Variants in ROR2 observed in about 807,000 individuals in gnomAD.
ROR2 encodes tyrosine-protein kinase transmembrane receptor ROR2.
A neutral mutation model predicts 74.9 loss-of-function variants in ROR2; 33 were observed. The observed-to-expected ratio is 0.44, with a 90% confidence interval of 0.33 to 0.59. The LOEUF is 0.59. Ranked by LOEUF, ROR2 falls within the 20% of genes least tolerant of loss-of-function variation. The pLI is 0.02. For missense variants in ROR2, 1,216 were observed against 1,313.8 expected (o/e 0.93, Z 1.15); for synonymous variants, 586 against 558.7 (o/e 1.05, Z -0.69).
chr9:91,848,867 C>T (rs943150127), intron 1 of ROR2, among the ~76,000 whole-genome samples: 1 of 151,722 alleles, frequency 6.6e-6, no homozygotes, highest in Non-Finnish European at 1.5e-5. Context: ...ATACTATTAT[C>T]CAGGTAGCAT....
intron 1 of ROR2, among the ~76,000 whole-genome samples, chr9:91,841,263 T>C (rs1355821105): frequency 6.6e-6 from 1 of 152,244 alleles, no homozygotes; most frequent in Admixed American, 6.5e-5. Context: ...AATAAATACA[T>C]GAGTCCACGG....
At chr9:91,780,561 C>T (rs1826583210) in intron 1 of ROR2, among the ~76,000 whole-genome samples, 1 of 151,866 alleles carries the variant, frequency 6.6e-6, no homozygotes. Flanking sequence ...GTCGAGGCCT[C>T]GGGTGGATCA....
chr9:91,913,637 T>C (rs1368659890), intron 1 of ROR2, among the ~76,000 whole-genome samples: 1 of 152,204 alleles, frequency 6.6e-6, no homozygotes, highest in Non-Finnish European at 1.5e-5. Context: ...CTTCAACCTC[T>C]AATGGATTTA....
chr9:91,808,686 C>T (rs190688210), intron 1 of ROR2, among the ~76,000 whole-genome samples: 2 of 148,348 alleles, frequency 1.3e-5, no homozygotes, highest in Non-Finnish European at 3.0e-5. Context: ...AGGCTGGGCA[C>T]GGTGGCTCAC....
intron 1 of ROR2, among the ~76,000 whole-genome samples, chr9:91,815,652 G>A (rs1198472128): frequency 6.6e-6 from 1 of 152,224 alleles, no homozygotes; most frequent in Non-Finnish European, 1.5e-5. Flanking sequence ...GACGAACAGT[G>A]TGATGGCACT....
chr9:91,934,403 T>C (rs191699841), intron 1 of ROR2, among the ~76,000 whole-genome samples: 7 of 152,308 alleles, frequency 4.6e-5, no homozygotes, highest in African/African-American at 9.6e-5. Context: ...CTTAGAATTA[T>C]GAACAAATAA....
At position 91,885,314 on chromosome 9, in the gene ROR2, G is replaced by C. The variant is rs191634203; in HGVS notation, c.97+64553C>G. 5.6e-3 allele frequency among the ~76,000 whole-genome samples: 850 copies of C among 152,282 alleles called. 7 individuals carry two copies. Among genetic ancestry groups the C allele is most frequent in the African/African-American group, 0.019 (797 of 41,548 alleles). Reference sequence around the variant, plus strand: ...CCTTTGTTGAAGCTTTGGGGGTTGGGGGGCGGTAGGGCAGGGTGTGGAGGG... The same window carrying C: ...CCTTTGTTGAAGCTTTGGGGGTTGGCGGGCGGTAGGGCAGGGTGTGGAGGG... On this transcript the variant is annotated intron_variant, in intron 1 of 8. Transcript: ENST00000375708.
intron 1 of ROR2, among the ~76,000 whole-genome samples, chr9:91,879,441 GGT>G (rs373884761): frequency 6.6e-6 from 1 of 151,088 alleles, no homozygotes; most frequent in Admixed American, 6.6e-5. Context: ...GGTGTGGGGG[GGT>G]GTGTGTGTGT....
At chr9:91,795,330 C>T (rs113005817) in intron 1 of ROR2, among the ~76,000 whole-genome samples, 19 of 152,116 alleles carry the variant, frequency 1.2e-4, no homozygotes, top group Admixed American at 3.3e-4. Flanking sequence ...ATAAGAAGAA[C>T]GAGAATTTTG....
At chr9:91,850,118 A>T (rs1200369664) in intron 1 of ROR2, among the ~76,000 whole-genome samples, 1 of 152,144 alleles carries the variant, frequency 6.6e-6, no homozygotes, top group Non-Finnish European at 1.5e-5. Context: ...TTGTGGGTGC[A>T]CCTGTTATTG....
intron 1 of ROR2, among the ~76,000 whole-genome samples, chr9:91,945,168 C>T (rs1350582568): frequency 6.6e-6 from 1 of 151,988 alleles, no homozygotes; most frequent in Non-Finnish European, 1.5e-5. Flanking sequence ...TTTTGCATAG[C>T]AATTTGTGGC....
intron 1 of ROR2, among the ~76,000 whole-genome samples, chr9:91,927,086 G>A (rs1831425351): frequency 6.6e-6 from 1 of 152,188 alleles, no homozygotes; most frequent in African/African-American, 2.4e-5. Context: ...CATTAAATTT[G>A]GTAGAACGGT....
At chr9:91,771,749 A>G (rs1826236433) in intron 2 of ROR2, among the ~76,000 whole-genome samples, 2 of 148,684 alleles carry the variant, frequency 1.3e-5, no homozygotes, top group African/African-American at 5.0e-5. Flanking sequence ...GATACCATCT[A>G]CCAAATATAA....
intron 1 of ROR2, among the ~76,000 whole-genome samples, chr9:91,809,629 G>A (rs187347032): frequency 1.4e-4 from 22 of 152,370 alleles, no homozygotes; most frequent in African/African-American, 5.3e-4. Context: ...AGTGGCCAGC[G>A]GCACTCGCCA....
intron 2 of ROR2, among the ~76,000 whole-genome samples, chr9:91,758,724 C>T (rs1454053833): frequency 1.3e-5 from 2 of 152,032 alleles, no homozygotes; most frequent in Admixed American, 6.5e-5. Context: ...TAGGGGGCAA[C>T]GCAAGGCTAC....
chr9:91,925,041 A>G (rs1437677494), intron 1 of ROR2, among the ~76,000 whole-genome samples: 1 of 152,042 alleles, frequency 6.6e-6, no homozygotes, highest in Non-Finnish European at 1.5e-5. Flanking sequence ...TTGTAGAGAT[A>G]GGATCCCACT....
chr9:91,932,444 G>C (rs2117964243), intron 1 of ROR2, among the ~76,000 whole-genome samples: 1 of 152,132 alleles, frequency 6.6e-6, no homozygotes, highest in South Asian at 2.1e-4. Context: ...CTTAGAAATA[G>C]TCTTAGATTC....
At chr9:91,840,634 C>T (rs995166121) in intron 1 of ROR2, among the ~76,000 whole-genome samples, 49 of 152,350 alleles carry the variant, frequency 3.2e-4, no homozygotes, top group African/African-American at 1.1e-3. Context: ...CATACTTTCT[C>T]AGTCAGTATC....
intron 1 of ROR2, among the ~76,000 whole-genome samples, chr9:91,819,895 G>A (rs1828087893): frequency 1.3e-5 from 2 of 151,796 alleles, no homozygotes; most frequent in Non-Finnish European, 2.9e-5. Context: ...TCTGTTTAGT[G>A]TTCTGTATGT....
Sources: allele counts gnomAD v4.1 joint callset (sites outside exome capture counted in the v4.1 genomes callset), GRCh38; gene constraint gnomAD v4.1.1; transcripts MANE v1.5; gene names NCBI Gene and HGNC (gene_info 2026-07-23, HGNC 2026-07-21).